ATF6: variants seen among roughly 807,000 people sequenced by gnomAD.
ATF6 encodes the protein activating transcription factor 6, also known as cyclic AMP-dependent transcription factor ATF-6 alpha.
In ATF6, 53 loss-of-function variants were observed where a neutral mutation model predicts 83.6. The ratio of observed to expected loss-of-function variants is 0.63; its 90% CI spans 0.51 to 0.80. The LOEUF is 0.80. Ranked by LOEUF, ATF6 falls within the 30% of genes least tolerant of loss-of-function variation. The pLI is 0.00. For synonymous variants in ATF6, 288 were observed against 285.8 expected (o/e 1.01, Z -0.08); for missense variants, 744 against 797.9 (o/e 0.93, Z 0.81).
At position 161,855,025 on chromosome 1, in the gene ATF6, G is replaced by A. The variant is rs376217514; in HGVS notation, c.1533+1702G>A. On this transcript the variant is annotated intron_variant, in intron 12 of 15. Coordinates refer to ENST00000367942, the MANE Select transcript of ATF6 (RefSeq NM_007348.4). ...AGTGGTAGATGAGATTGGAGAGGCAGCAGATGTAGGCTCATAGCAAACTTC... is the reference window on the plus strand; with the variant it reads ...AGTGGTAGATGAGATTGGAGAGGCAACAGATGTAGGCTCATAGCAAACTTC... Among the ~76,000 whole-genome samples, 40 of 152,238 alleles carry A rather than the reference G, an allele frequency of 2.6e-4. 2 individuals are homozygous for A. In the East Asian group the frequency reaches 4.4e-3, roughly 17 times the overall value.
At chr1:161,875,226 G>T (rs979544496) in intron 14 of ATF6, among the ~76,000 whole-genome samples, 4 of 151,738 alleles carry the variant, frequency 2.6e-5, no homozygotes, top group Non-Finnish European at 4.4e-5. Context: ...TCAGATAATT[G>T]TGGGTATTCT....
chr1:161,857,839 T>A (rs1198672493), intron 12 of ATF6, among the ~76,000 whole-genome samples: 2 of 152,140 alleles, frequency 1.3e-5, no homozygotes, highest in African/African-American at 4.8e-5. Flanking sequence ...AATGGAATAA[T>A]ACTCTTAATA....
chr1:161,922,497 TAAC>T (rs1226989823), intron 15 of ATF6, among the ~76,000 whole-genome samples: 5 of 151,900 alleles, frequency 3.3e-5, no homozygotes, highest in African/African-American at 1.2e-4. Flanking sequence ...AAAAAAAAAT[TAAC>T]AACCCAAACA....
At chr1:161,844,469 T>C (rs958028840) in intron 9 of ATF6, among the ~76,000 whole-genome samples, 2 of 152,126 alleles carry the variant, frequency 1.3e-5, no homozygotes, top group Non-Finnish European at 2.9e-5. Context: ...GAAGCACATT[T>C]CTAGTTAAAA....
chr1:161,914,007 G>A (rs1688042299), intron 15 of ATF6, among the ~76,000 whole-genome samples: 1 of 152,132 alleles, frequency 6.6e-6, no homozygotes, highest in African/African-American at 2.4e-5. Context: ...TTTTGAAGAG[G>A]AGCCTTTCAT....
intron 9 of ATF6, among the ~76,000 whole-genome samples, chr1:161,841,455 G>C (rs1385661473): frequency 6.6e-6 from 1 of 152,100 alleles, no homozygotes; most frequent in South Asian, 2.1e-4. Flanking sequence ...TACAGGGAAT[G>C]TAGGCCAAAA....
At position 161,958,492 on chromosome 1, in the gene ATF6, C is replaced by T. The variant is rs748729652; in HGVS notation, c.1851C>T (p.Asp617=). 1 of 1,613,218 alleles carries T rather than the reference C, an allele frequency of 6.2e-7. No individual in the cohort carries two copies. The highest frequency in any genetic ancestry group is 8.5e-7 in the Non-Finnish European group (1 of 1,179,450). Residue 617 remains aspartate (D), a synonymous_variant, in exon 16 of 16, where the codon GAC becomes GAT. Coordinates refer to ENST00000367942, the MANE Select transcript of ATF6 (RefSeq NM_007348.4). Reference sequence around the variant, plus strand: ...ACTACGAAGTGATGATGCAGATTGACTGTCAGGTGATGGACACCAGGATCC... The same window carrying T: ...ACTACGAAGTGATGATGCAGATTGATTGTCAGGTGATGGACACCAGGATCC... ...GQDYEVMMQI[D]CQVMDTRILH... is the part of the protein sequence containing the mutation.
At chr1:161,913,265 G>A (rs116166858) in intron 15 of ATF6, among the ~76,000 whole-genome samples, 1,983 of 152,264 alleles carry the variant, frequency 0.013, 47 homozygotes, top group African/African-American at 0.044. Flanking sequence ...AGATGGAAAC[G>A]AAAAGCCCTT....
intron 14 of ATF6, among the ~76,000 whole-genome samples, chr1:161,873,395 G>A (rs1163555563): frequency 1.3e-5 from 2 of 151,538 alleles, no homozygotes; most frequent in East Asian, 3.9e-4. Context: ...ACTTAATTAT[G>A]GAGGAAGCAA....
chr1:161,806,447 T>C (rs1297375810), intron 7 of ATF6, among the ~76,000 whole-genome samples: 1 of 152,230 alleles, frequency 6.6e-6, no homozygotes, highest in African/African-American at 2.4e-5. Context: ...GGTAAAATTC[T>C]ACATCTTCCA....
At chr1:161,780,697 TTTGTTG>T (rs921859723) in intron 2 of ATF6, among the ~76,000 whole-genome samples, 3 of 151,740 alleles carry the variant, frequency 2.0e-5, no homozygotes, top group Non-Finnish European at 4.4e-5. Flanking sequence ...TGTTGCTGTT[TTTGTTG>T]TTGTTGTTGT....
chr1:161,800,993 A>C (rs1482297145), intron 6 of ATF6, among the ~76,000 whole-genome samples: 1 of 152,186 alleles, frequency 6.6e-6, no homozygotes, highest in Non-Finnish European at 1.5e-5. Context: ...CAGCGTTAAC[A>C]GCATCATCTT....
intron 15 of ATF6, among the ~76,000 whole-genome samples, chr1:161,926,261 G>A (rs1688306808): frequency 6.6e-6 from 1 of 152,180 alleles, no homozygotes; most frequent in Non-Finnish European, 1.5e-5. Flanking sequence ...TCTATTGTGT[G>A]TAACAAATTA....
At chr1:161,807,464 C>A (rs1214370821) in intron 7 of ATF6, among the ~76,000 whole-genome samples, 2 of 152,048 alleles carry the variant, frequency 1.3e-5, no homozygotes, top group Non-Finnish European at 2.9e-5. Context: ...AAGTTGAGAT[C>A]ATGATATTTC....
At chr1:161,843,615 A>C (rs1038138229) in intron 9 of ATF6, among the ~76,000 whole-genome samples, 2 of 152,156 alleles carry the variant, frequency 1.3e-5, no homozygotes, top group African/African-American at 4.8e-5. Context: ...TCCTTAGTAC[A>C]TAGTAGGTAC....
intron 12 of ATF6, among the ~76,000 whole-genome samples, chr1:161,855,160 T>C (rs941738494): frequency 3.9e-5 from 6 of 152,100 alleles, no homozygotes; most frequent in African/African-American, 1.4e-4. Flanking sequence ...AAATTAGTAG[T>C]TGCTACATAA....
At chr1:161,838,817 A>G (rs1557988435) in intron 9 of ATF6, among the ~76,000 whole-genome samples, 1 of 152,174 alleles carries the variant, frequency 6.6e-6, no homozygotes, top group African/African-American at 2.4e-5. Context: ...GAGAACTGCT[A>G]TTTAGAGGGT....
chr1:161,928,595 C>G (rs1342147553), intron 15 of ATF6, among the ~76,000 whole-genome samples: 1 of 150,708 alleles, frequency 6.6e-6, no homozygotes, highest in Non-Finnish European at 1.5e-5. Context: ...TTCCTTTTTC[C>G]ATGACATTTA....
At chr1:161,912,076 C>T (rs1307974256) in intron 14 of ATF6, among the ~76,000 whole-genome samples, 1 of 152,148 alleles carries the variant, frequency 6.6e-6, no homozygotes, top group Non-Finnish European at 1.5e-5. Context: ...TCCAAGATCA[C>T]TGCATAGTGC....
Sources: gnomAD v4.1 joint callset for allele counts (sites outside exome capture counted in the v4.1 genomes callset) on GRCh38, gnomAD v4.1.1 for gene constraint, MANE v1.5 for transcripts, NCBI Gene and HGNC (gene_info 2026-07-23, HGNC 2026-07-21) for gene names.